The following LRIT1 variants were observed in gnomAD, a reference collection of about 807,000 sequenced individuals.
LRIT1 encodes the protein leucine rich repeat, Ig-like and transmembrane domains 1, also known as leucine-rich repeat, immunoglobulin-like domain and transmembrane domain-containing protein 1.
In LRIT1, 23 loss-of-function variants were observed where a neutral mutation model predicts 24.0. That is an observed-to-expected ratio of 0.96 (90% CI 0.69 to 1.36). The LOEUF is 1.36. Ranked by LOEUF, LRIT1 falls within the 40% of genes most tolerant of loss-of-function variation. The pLI, the probability that LRIT1 is intolerant of heterozygous loss-of-function variation, is 0.00. For missense variants in LRIT1, 846 were observed against 806.3 expected, an observed-to-expected ratio of 1.05 and a Z score of -0.60; for synonymous variants, 361 against 340.5, an observed-to-expected ratio of 1.06 and a Z score of -0.66.
intron 1 of LRIT1, 60 bp downstream of exon 1, chr10:84,241,258 C>A: frequency 6.2e-7 from 1 of 1,610,768 alleles, no homozygotes; most frequent in South Asian, 1.1e-5. Context: ...CCTCCCAACC[C>A]AGCCTAGCTG....
In LRIT1 at chr10:84,232,509, C is replaced by T. The variant is rs199510358; in HGVS notation, c.1290G>A (p.Met430Ile). The T allele has an allele frequency of 6.2e-7, 1 of 1,614,190 alleles. No homozygotes were observed. Among genetic ancestry groups the T allele is most frequent in the South Asian group, 1.1e-5 (1 of 91,088 alleles). The change falls in exon 4 of 4, where the codon ATG becomes ATA. Residue 430 changes from methionine to isoleucine, a missense_variant. Physicochemically the swap from Met to Ile is conservative, Grantham distance 10. Transcript: ENST00000372105. Reference sequence around the variant, plus strand: ...CCCCCACCACCTTCACAGACCTCACCATTCGTGCCTCTGAGGGTCCTGCCC... The same window carrying T: ...CCCCCACCACCTTCACAGACCTCACTATTCGTGCCTCTGAGGGTCCTGCCC... Reference protein sequence around the residue: ...DGRAGPSEARMVRSVKVVGDT... With the variant: ...DGRAGPSEARIVRSVKVVGDT...
rs772706912 is a variant in LRIT1 at position 84,232,302 on chromosome 10, A to G, written c.1497T>C (p.Cys499=). The part of the protein sequence containing the change: ...LPKTKYVACV[C]VQGLVPRKEQ... ...CCTTCCGGGGCACCAGGCCCTGCACACAGACACACGCCACATACTTGGTCT... is the reference window on the plus strand; with the variant it reads ...CCTTCCGGGGCACCAGGCCCTGCACGCAGACACACGCCACATACTTGGTCT... The change falls in exon 4 of 4, where the codon TGT becomes TGC. Residue 499 remains cysteine (C), a synonymous_variant. Transcript: ENST00000372105. The G allele has an allele frequency of 6.8e-6, 11 of 1,614,050 alleles. No individual in the cohort carries two copies. The East Asian group carries it at 2.2e-4, about 33-fold the overall frequency.
intron 3 of LRIT1, 70 bp from the exon 4 acceptor site, chr10:84,232,973 A>C: frequency 2.0e-6 from 3 of 1,522,714 alleles, no homozygotes; most frequent in Non-Finnish European, 2.6e-6. Context: ...TTCAGGGCCA[A>C]GTTCACAGCC....
Position 84,232,026 on chromosome 10 carries a change from A to T in LRIT1, c.1773T>A (p.Ser591Arg). Residue 591 changes from serine to arginine, a missense_variant, in exon 4 of 4, where the codon AGT becomes AGA. Coordinates refer to ENST00000372105, the MANE Select transcript of LRIT1 (RefSeq NM_015613.3). ...EDGLEELSRH[S>R]VSEADRLLSA... ...AGAGAAGCCTGTCAGCCTCGCTGAC[A>T]CTGTGCCGGGACAGCTCCTCCAAGC... The T allele has an allele frequency of 6.2e-7, 1 of 1,614,136 alleles. No homozygotes were observed. Among genetic ancestry groups the T allele is most frequent in the Non-Finnish European group, 8.5e-7 (1 of 1,179,998 alleles).
At chr10:84,235,094 T>C (rs1198109163) in intron 2 of LRIT1, among the ~76,000 whole-genome samples, 1 of 152,218 alleles carries the variant, frequency 6.6e-6, no homozygotes, top group Non-Finnish European at 1.5e-5. Flanking sequence ...GTTGCATTAC[T>C]GAAATGCAAG....
At position 84,232,522 on chromosome 10, in the gene LRIT1, G is replaced by A. The variant is rs2132861528; in HGVS notation, c.1277C>T (p.Ser426Leu). 1.9e-6 allele frequency: 3 copies of A among 1,614,182 alleles called. No homozygotes were observed. The East Asian group carries it at 6.7e-5, about 36-fold the overall frequency. Residue 426 changes from serine (S) to leucine (L), a missense_variant, in exon 4 of 4, where the codon TCA becomes TTA. Transcript: ENST00000372105. The stretch of plus-strand genomic sequence containing the variant: ...CACAGACCTCACCATTCGTGCCTCT[G>A]AGGGTCCTGCCCGCCCATCAGAGAG... ...GELSDGRAGP[S>L]EARMVRSVKV...
intron 2 of LRIT1, 146 bp from the exon 3 acceptor site, chr10:84,234,524 T>A: frequency 1.9e-6 from 1 of 530,722 alleles, no homozygotes; most frequent in Non-Finnish European, 3.2e-6. Context: ...GCCTTGCTAG[T>A]AGTATGACCT....
Position 84,237,351 on chromosome 10 carries a change from A to G in LRIT1, c.458T>C (p.Phe153Ser). ...GTCGAGGAAGGTGAGGTTCTCCAGG[A>G]AGCGCGCGGCCTCAGCGGGCACAGC... ...LSAVPAEAARFLENLTFLDLS... is the reference protein window; with the variant it reads ...LSAVPAEAARSLENLTFLDLS... Residue 153 changes from phenylalanine (F) to serine (S), a missense_variant, in exon 2 of 4, where the codon TTC (phenylalanine) becomes TCC (serine). Phe to Ser is a radical substitution (Grantham distance 155). Coordinates refer to ENST00000372105, the MANE Select transcript of LRIT1 (RefSeq NM_015613.3). The G allele has an allele frequency of 6.4e-7, 1 of 1,550,484 alleles. No homozygotes were observed. The highest frequency in any genetic ancestry group is 1.2e-5 in the South Asian group (1 of 84,044).
chr10:84,234,829 T>C (rs1842635056), intron 2 of LRIT1, among the ~76,000 whole-genome samples: 1 of 152,174 alleles, frequency 6.6e-6, no homozygotes, highest in Non-Finnish European at 1.5e-5. Flanking sequence ...GCAATGAAGG[T>C]GGCTGCTCTG....
intron 2 of LRIT1, among the ~76,000 whole-genome samples, chr10:84,235,280 T>C (rs1014732962): frequency 1.3e-5 from 2 of 152,194 alleles, no homozygotes; most frequent in African/African-American, 4.8e-5. Flanking sequence ...CAGGTCTCTT[T>C]GAGCACAACC....
chr10:84,237,072 T>C (rs1417546334), intron 2 of LRIT1, 148 bp downstream of exon 2: 8 of 659,682 alleles, frequency 1.2e-5, no homozygotes, highest in African/African-American at 3.7e-5. Context: ...GGCTTGTGGA[T>C]TGAGCTCCTA....
intron 2 of LRIT1, among the ~76,000 whole-genome samples, chr10:84,235,417 A>G (rs951917738): frequency 6.6e-6 from 1 of 152,200 alleles, no homozygotes; most frequent in Non-Finnish European, 1.5e-5. Flanking sequence ...GCCTGGCTCC[A>G]GTGGTGAGCT....
At chr10:84,239,926 G>C (rs940598581) in intron 1 of LRIT1, among the ~76,000 whole-genome samples, 3 of 152,184 alleles carry the variant, frequency 2.0e-5, no homozygotes, top group East Asian at 3.9e-4. Context: ...CAGATGGGCT[G>C]GTGCATGTTA....
At position 84,237,788 on chromosome 10, in the gene LRIT1, C is replaced by T. The variant is rs915872818; in HGVS notation, c.123-102G>A. The T allele has an allele frequency of 8.0e-6, 7 of 880,426 alleles. No homozygotes were observed. The East Asian group carries it at 1.3e-4, about 16-fold the overall frequency. The allele number at this position is 880,426 out of a possible 1,614,324, so 54.5% of individuals were successfully genotyped here. On this transcript the variant is annotated intron_variant, in intron 1 of 3. Transcript: ENST00000372105. ...AGGCCTCCAGTTCTGCCTGTTATCA[C>T]CGGACACCCACACCAGAGTCCAAGC...
At position 84,231,586 on chromosome 10, in the gene LRIT1, C is replaced by G. The variant is rs1253653381; in HGVS notation, c.*341G>C. ...TGAGTGTGAAAATAAGTGTTCACTG[C>G]TATACATCACCAAGATTTTGCTTTC... On this transcript the variant is annotated 3_prime_UTR_variant, in exon 4 of 4. Transcript: ENST00000372105. The G allele has an allele frequency of 3.2e-6, 1 of 314,104 alleles. No individual in the cohort carries two copies. The highest frequency in any genetic ancestry group is 6.1e-6 in the Non-Finnish European group (1 of 164,940). 19.5% of individuals were successfully genotyped at this position (314,104 alleles called of 1,614,324 possible).
In LRIT1 at chr10:84,232,344, G is replaced by A. The variant is rs1364189749; in HGVS notation, c.1455C>T (p.Ile485=). 5.0e-6 allele frequency: 8 copies of A among 1,613,968 alleles called. No individual in the cohort carries two copies. Among genetic ancestry groups the A allele is most frequent in the Non-Finnish European group, 5.9e-6 (7 of 1,179,956 alleles). ...ACTTGGTCTTGGGCAACAGCCCAGT[G>A]ATGGTCACTCTGGTCTTCCCAGGCT... The part of the protein sequence containing the change: ...IVQPGKTRVT[I]TGLLPKTKYV... The change falls in exon 4 of 4, where the codon ATC becomes ATT. Residue 485 remains isoleucine (I), a synonymous_variant. Transcript: ENST00000372105.
rs771485345 is a variant in LRIT1 at position 84,241,305 on chromosome 10, C to G, written c.122+13G>C. On this transcript the variant is annotated intron_variant, in intron 1 of 3. Transcript: ENST00000372105. ...GAGGCTGGGCTGCCCGTCCCACGCA[C>G]CCGGTACCATACCTGGCCTTGCTGC... 2 of 1,613,892 alleles carry G rather than the reference C, an allele frequency of 1.2e-6. No individual in the cohort carries two copies. Among genetic ancestry groups the G allele is most frequent in the Admixed American group, 3.3e-5 (2 of 60,012 alleles).
chr10:84,240,005 C>T (rs1296590704), intron 1 of LRIT1, among the ~76,000 whole-genome samples: 1 of 152,234 alleles, frequency 6.6e-6, no homozygotes, highest in African/African-American at 2.4e-5. Context: ...CACTGACTTA[C>T]ATTAGCGGCC....
Position 84,231,876 on chromosome 10 carries a change from C to A in LRIT1, c.*51G>T. ...GTGATCGTGTACTCAGGTGTCAGAG[C>A]TAAAGAAGGAGCGTGGGCAGGCAGG... is the stretch of plus-strand genomic sequence containing the variant. On this transcript the variant is annotated 3_prime_UTR_variant, in exon 4 of 4. Coordinates refer to ENST00000372105, the MANE Select transcript of LRIT1 (RefSeq NM_015613.3). 1 of 1,551,178 alleles carries A rather than the reference C, an allele frequency of 6.4e-7. No individual in the cohort carries two copies. The highest frequency in any genetic ancestry group is 8.7e-7 in the Non-Finnish European group (1 of 1,150,314).
Sources: gnomAD v4.1 joint callset for allele counts (sites outside exome capture counted in the v4.1 genomes callset) on GRCh38, gnomAD v4.1.1 for gene constraint, MANE v1.5 for transcripts, NCBI Gene and HGNC (gene_info 2026-07-23, HGNC 2026-07-21) for gene names.